The following ZMAT4 variants were observed in gnomAD, a reference collection of about 807,000 sequenced individuals.
ZMAT4 encodes zinc finger matrin-type 4.
In ZMAT4, 17 loss-of-function variants were observed where a neutral mutation model predicts 28.7. That is an observed-to-expected ratio of 0.59 (90% CI 0.41 to 0.89). The LOEUF (loss-of-function observed/expected upper bound fraction) is 0.89. Ranked by LOEUF, ZMAT4 falls within the 40% of genes least tolerant of loss-of-function variation. ZMAT4 has a pLI of 0.00. For missense variants in ZMAT4, 240 were observed against 283.8 expected (o/e 0.85, Z 1.11); for synonymous variants, 117 against 109.2 (o/e 1.07, Z -0.44).
At chr8:40,579,305 T>A (rs866428938) in intron 6 of ZMAT4, among the ~76,000 whole-genome samples, 11 of 152,206 alleles carry the variant, frequency 7.2e-5, no homozygotes, top group South Asian at 2.1e-4. Flanking sequence ...TCTTTTATTG[T>A]TGCAGGTATT....
chr8:40,845,818 AG>A (rs71224859), intron 1 of ZMAT4, among the ~76,000 whole-genome samples: 115,594 of 148,248 alleles, frequency 0.78, 47,495 homozygotes, highest in Middle Eastern at 0.94. Context: ...CTAAGGGTGG[AG>A]GGGGCAGGGA....
intron 3 of ZMAT4, among the ~76,000 whole-genome samples, chr8:40,702,341 A>T (rs1420334273): frequency 6.6e-6 from 1 of 152,244 alleles, no homozygotes; most frequent in Non-Finnish European, 1.5e-5. Flanking sequence ...AATTGACCTC[A>T]ATGAATATAT....
intron 1 of ZMAT4, among the ~76,000 whole-genome samples, chr8:40,894,679 G>T (rs534802484): frequency 1.3e-5 from 2 of 151,894 alleles, no homozygotes; most frequent in Non-Finnish European, 1.5e-5. Flanking sequence ...TGGAAATAGC[G>T]TGCTCCAACC....
chr8:40,812,425 G>A (rs1815356325), intron 2 of ZMAT4, among the ~76,000 whole-genome samples: 1 of 152,172 alleles, frequency 6.6e-6, no homozygotes, highest in South Asian at 2.1e-4. Context: ...TCTCGGCTGA[G>A]GGCCATCCTA....
At chr8:40,700,588 CT>C (rs1269742831) in intron 3 of ZMAT4, among the ~76,000 whole-genome samples, 2 of 151,852 alleles carry the variant, frequency 1.3e-5, no homozygotes, top group Non-Finnish European at 2.9e-5. Flanking sequence ...CTGGATAATA[CT>C]TTTTTATTGT....
At chr8:40,647,284 T>C (rs959363327) in intron 5 of ZMAT4, among the ~76,000 whole-genome samples, 1 of 151,956 alleles carries the variant, frequency 6.6e-6, no homozygotes, top group African/African-American at 2.4e-5. Flanking sequence ...GGTCAGGGAG[T>C]TCCCTTTCCG....
intron 5 of ZMAT4, among the ~76,000 whole-genome samples, chr8:40,589,697 C>A (rs934706456): frequency 1.6e-5 from 2 of 125,488 alleles, no homozygotes; most frequent in South Asian, 2.8e-4. Context: ...CACTTAGAGA[C>A]CTTCCTTCCT....
At chr8:40,723,692 G>A (rs1036940754) in intron 3 of ZMAT4, among the ~76,000 whole-genome samples, 3 of 152,068 alleles carry the variant, frequency 2.0e-5, no homozygotes, top group Non-Finnish European at 4.4e-5. Context: ...TATTCCTGTG[G>A]GGTAAAACTG....
At chr8:40,542,984 G>A (rs946946166) in intron 6 of ZMAT4, among the ~76,000 whole-genome samples, 1 of 152,190 alleles carries the variant, frequency 6.6e-6, no homozygotes, top group African/African-American at 2.4e-5. Flanking sequence ...ATGGGCTCAC[G>A]CCTCTAACGT....
At chr8:40,718,031 C>T (rs1022670040) in intron 3 of ZMAT4, among the ~76,000 whole-genome samples, 2 of 152,066 alleles carry the variant, frequency 1.3e-5, no homozygotes, top group African/African-American at 2.4e-5. Context: ...CTAGTTTTTC[C>T]ACTCATGTTC....
chr8:40,673,177 C>A (rs1808754598), intron 5 of ZMAT4, among the ~76,000 whole-genome samples: 1 of 152,172 alleles, frequency 6.6e-6, no homozygotes, highest in African/African-American at 2.4e-5. Context: ...TGATTCTGCT[C>A]ACATGGAATG....
At chr8:40,742,922 A>C (rs1478783081) in intron 3 of ZMAT4, among the ~76,000 whole-genome samples, 1 of 152,216 alleles carries the variant, frequency 6.6e-6, no homozygotes. Flanking sequence ...AAGCTTAAAA[A>C]AGACATTGTC....
intron 6 of ZMAT4, among the ~76,000 whole-genome samples, chr8:40,561,535 G>A (rs191298311): frequency 6.6e-6 from 1 of 151,998 alleles, no homozygotes; most frequent in Admixed American, 6.6e-5. Flanking sequence ...GTCCTTAGAG[G>A]TCCCAGCTGG....
At chr8:40,626,107 C>T (rs1422866226) in intron 5 of ZMAT4, among the ~76,000 whole-genome samples, 5 of 39,398 alleles carry the variant, frequency 1.3e-4, no homozygotes, top group African/African-American at 4.0e-4. Flanking sequence ...CAAAACTCTG[C>T]CTCAGAAAAA....
rs367937345 is a variant in ZMAT4 at position 40,644,370 on chromosome 8, G to C, written c.577+30334C>G. On this transcript the variant is annotated intron_variant, in intron 5 of 6. Transcript: ENST00000297737. ...AAATGAGCCTTGAGCATCTTGTTGT[G>C]CTGGAAAATAAGGAAGTACAGAAAA... Among the ~76,000 whole-genome samples, 281 of 152,146 alleles carry C rather than the reference G, an allele frequency of 1.8e-3. 1 individual carries two copies. Among genetic ancestry groups the C allele is most frequent in the African/African-American group, 6.2e-3 (259 of 41,516 alleles).
intron 1 of ZMAT4, among the ~76,000 whole-genome samples, chr8:40,882,017 C>T (rs114766908): frequency 9.6e-4 from 146 of 152,300 alleles, no homozygotes; most frequent in African/African-American, 3.3e-3. Context: ...ACATCAATCC[C>T]TGCACCAACA....
intron 2 of ZMAT4, among the ~76,000 whole-genome samples, chr8:40,774,755 G>GCAT (rs1414745936): frequency 1.3e-5 from 2 of 151,656 alleles, no homozygotes; most frequent in Non-Finnish European, 2.9e-5. Flanking sequence ...AAACGTATAT[G>GCAT]CATCTGTATG....
intron 2 of ZMAT4, among the ~76,000 whole-genome samples, chr8:40,824,732 G>GA (rs376367926): frequency 3.9e-5 from 5 of 127,152 alleles, no homozygotes; most frequent in Admixed American, 7.7e-5. Context: ...AAGAAAGAAA[G>GA]AAGAAAGAAA....
At chr8:40,895,983 T>A (rs906590006) in intron 1 of ZMAT4, among the ~76,000 whole-genome samples, 3 of 152,042 alleles carry the variant, frequency 2.0e-5, no homozygotes, top group Admixed American at 1.3e-4. Flanking sequence ...ACAAAAAGAT[T>A]ATAATTGGCA....
Sources: gnomAD v4.1 joint callset for allele counts (sites outside exome capture counted in the v4.1 genomes callset) on GRCh38, gnomAD v4.1.1 for gene constraint, MANE v1.5 for transcripts, NCBI Gene and HGNC (gene_info 2026-07-23, HGNC 2026-07-21) for gene names.